Variants in ANGPT1 observed in about 807,000 individuals in gnomAD.
ANGPT1 encodes the protein angiopoietin 1, also known as angiopoietin-1.
A neutral mutation model predicts 62.2 loss-of-function variants in ANGPT1; 17 were observed. The observed-to-expected ratio is 0.27, with a 90% CI of 0.19 to 0.41. The LOEUF (loss-of-function observed/expected upper bound fraction) is 0.41. Ranked by LOEUF, ANGPT1 falls within the 10% of genes least tolerant of loss-of-function variation. The probability of loss-of-function intolerance (pLI) is 1.00; values close to 1 mark genes in which losing one functional copy is unlikely to be tolerated. For missense variants in ANGPT1, 478 were observed against 594.9 expected, an observed-to-expected ratio of 0.80 and a Z score of 2.04; for synonymous variants, 199 against 198.9, an observed-to-expected ratio of 1.00 and a Z score of 0.00.
chr8:107,297,240 C>T (rs1476094465), intron 5 of ANGPT1, among the ~76,000 whole-genome samples: 1 of 151,936 alleles, frequency 6.6e-6, no homozygotes, highest in Non-Finnish European at 1.5e-5. Context: ...GACTTAATAA[C>T]ATCAATGATA....
intron 8 of ANGPT1, among the ~76,000 whole-genome samples, chr8:107,258,820 T>C (rs959750348): frequency 3.3e-5 from 5 of 152,218 alleles, no homozygotes; most frequent in African/African-American, 7.2e-5. Flanking sequence ...AATACATGTA[T>C]GTATTAGGCA....
intron 7 of ANGPT1, among the ~76,000 whole-genome samples, chr8:107,278,060 T>A (rs1443917321): frequency 6.6e-6 from 1 of 151,914 alleles, no homozygotes; most frequent in African/African-American, 2.4e-5. Flanking sequence ...TTAAAAAGTC[T>A]GTTTGCTCTT....
intron 1 of ANGPT1, among the ~76,000 whole-genome samples, chr8:107,431,768 G>A (rs75389404): frequency 0.046 from 6,977 of 151,718 alleles, 165 homozygotes; most frequent in Middle Eastern, 0.062. Context: ...ATCATGCTAG[G>A]CACTGAGGAA....
intron 1 of ANGPT1, among the ~76,000 whole-genome samples, chr8:107,431,181 T>A (rs1197397518): frequency 6.6e-6 from 1 of 152,248 alleles, no homozygotes; most frequent in Non-Finnish European, 1.5e-5. Flanking sequence ...AGTGTGTGTG[T>A]GTTTAGCACA....
chr8:107,286,043 A>G (rs1258251959), intron 6 of ANGPT1, among the ~76,000 whole-genome samples: 1 of 152,174 alleles, frequency 6.6e-6, no homozygotes, highest in Non-Finnish European at 1.5e-5. Flanking sequence ...ATATTACAGC[A>G]TTTTACAATA....
chr8:107,351,886 G>A (rs1190923393), intron 1 of ANGPT1, among the ~76,000 whole-genome samples: 1 of 152,092 alleles, frequency 6.6e-6, no homozygotes, highest in Non-Finnish European at 1.5e-5. Context: ...CTCTACAAAG[G>A]CTAGATATGT....
Position 107,259,627 on chromosome 8 carries a change from C to T in ANGPT1, c.1336+4594G>A, listed in dbSNP as rs562883776. Among the ~76,000 whole-genome samples, 19 of 151,920 alleles carry T rather than the reference C, an allele frequency of 1.3e-4. No individual in the cohort carries two copies. The South Asian group carries it at 3.9e-3, about 32-fold the overall frequency. ...TTATGTACTAAATATGGAAATTATA[C>T]TGAAACTAAAGTAAGGAATGTAAAA... On this transcript the variant is annotated intron_variant, in intron 8 of 8. Transcript: ENST00000517746.
intron 1 of ANGPT1, among the ~76,000 whole-genome samples, chr8:107,355,986 T>C (rs79900183): frequency 2.2e-3 from 340 of 152,328 alleles, no homozygotes; most frequent in African/African-American, 7.7e-3. Flanking sequence ...ACCATTTTGA[T>C]AAATAATTTA....
intron 1 of ANGPT1, among the ~76,000 whole-genome samples, chr8:107,449,708 C>A (rs1811716630): frequency 6.6e-6 from 1 of 152,054 alleles, no homozygotes; most frequent in Admixed American, 6.6e-5. Context: ...CATTAGCACA[C>A]ACGTTTTGAG....
At chr8:107,308,600 A>C (rs1408436612) in intron 4 of ANGPT1, among the ~76,000 whole-genome samples, 1 of 152,194 alleles carries the variant, frequency 6.6e-6, no homozygotes, top group Non-Finnish European at 1.5e-5. Context: ...AAGAGATAAC[A>C]GTTGAAAGAA....
intron 3 of ANGPT1, 137 bp from the exon 4 acceptor site, chr8:107,322,265 T>C: frequency 1.5e-6 from 1 of 656,952 alleles, no homozygotes. Context: ...AGTGAGAGAC[T>C]TAAGAATATG....
chr8:107,365,692 C>A (rs1425588905), intron 1 of ANGPT1, among the ~76,000 whole-genome samples: 1 of 152,040 alleles, frequency 6.6e-6, no homozygotes, highest in Non-Finnish European at 1.5e-5. Context: ...CTCTGCCTTC[C>A]AAAACATTCA....
rs918285066 is a variant in ANGPT1, at chr8:107,493,421, T to C, written c.297+3841A>G. Among the ~76,000 whole-genome samples the C allele has an allele frequency of 5.3e-5, 8 of 150,414 alleles. 2 individuals carry two copies. The highest frequency in any genetic ancestry group is 2.2e-4 in the South Asian group (1 of 4,596). On this transcript the variant is annotated intron_variant, in intron 1 of 8. Coordinates refer to ENST00000517746, the MANE Select transcript of ANGPT1 (RefSeq NM_001146.5). ...GACCCTTAAAGAATAATTAAGAAGA[T>C]GAATTGGAGTGACTAGAGAAGTTTT...
chr8:107,268,406 T>TTTTGTGTGTG (rs1554577249), intron 7 of ANGPT1, among the ~76,000 whole-genome samples: 1 of 144,558 alleles, frequency 6.9e-6, no homozygotes, highest in African/African-American at 2.5e-5. Context: ...ACATGTAGGG[T>TTTTGTGTGTG]TGTGTGTGTG....
chr8:107,325,328 A>G (rs1815261670), intron 3 of ANGPT1, among the ~76,000 whole-genome samples: 1 of 152,182 alleles, frequency 6.6e-6, no homozygotes, highest in Non-Finnish European at 1.5e-5. Flanking sequence ...GTCCTGGGGT[A>G]ATGATCAGAG....
intron 1 of ANGPT1, among the ~76,000 whole-genome samples, chr8:107,349,993 C>T (rs1815898812): frequency 1.3e-5 from 2 of 152,040 alleles, no homozygotes; most frequent in Non-Finnish European, 2.9e-5. Context: ...TGTATGAGAC[C>T]TGCTTGTGAA....
chr8:107,257,891 G>T (rs5012163), intron 8 of ANGPT1, among the ~76,000 whole-genome samples: 60,955 of 98,338 alleles, frequency 0.62, 20,277 homozygotes, highest in African/African-American at 0.69. Context: ...TTTTTTGTTT[G>T]TTTGTTTGTT....
At chr8:107,322,660 T>C in intron 3 of ANGPT1, 1 of 228,870 alleles carries the variant, frequency 4.4e-6, no homozygotes, top group South Asian at 5.4e-5. Flanking sequence ...GAGAAAAATA[T>C]GAAATAATCA....
chr8:107,251,838 CT>C lies in ANGPT1; in HGVS notation c.*16del. 6.2e-7 allele frequency: 1 copy of C among 1,613,476 alleles called. No homozygotes were observed. Among genetic ancestry groups the C allele is most frequent in the African/African-American group, 1.3e-5 (1 of 75,014 alleles). On this transcript the variant is annotated 3_prime_UTR_variant, in exon 9 of 9. Coordinates refer to ENST00000517746, the MANE Select transcript of ANGPT1 (RefSeq NM_001146.5). The stretch of plus-strand genomic sequence containing the variant: ...GATTTCTTTGTTGCTTTCATAATCG[CT>C]TCTGACATTGCGCTTTCAAAAATCT...
Sources: allele counts gnomAD v4.1 joint callset (sites outside exome capture counted in the v4.1 genomes callset), GRCh38; gene constraint gnomAD v4.1.1; transcripts MANE v1.5; gene names NCBI Gene and HGNC (gene_info 2026-07-23, HGNC 2026-07-21).